The following RPAP1 variants were observed in gnomAD, a reference collection of about 807,000 sequenced individuals.
RPAP1 encodes RNA polymerase II-associated protein 1.
A neutral mutation model predicts 142.4 loss-of-function variants in RPAP1; 109 were observed. That is an observed-to-expected ratio of 0.77 (90% confidence interval 0.66 to 0.90). RPAP1 has a LOEUF of 0.90. RPAP1 is among the 40% of genes least tolerant of loss of function. The pLI, the probability that RPAP1 is intolerant of heterozygous loss-of-function variation, is 0.00. For missense variants in RPAP1, 1,546 were observed against 1,751.7 expected, an observed-to-expected ratio of 0.88 and a Z score of 2.10; for synonymous variants, 704 against 738.9, an observed-to-expected ratio of 0.95 and a Z score of 0.77.
intron 15 of RPAP1, among the ~76,000 whole-genome samples, 200 bp from the exon 16 acceptor site, chr15:41,524,454 G>C (rs2051767638): frequency 6.7e-6 from 1 of 150,194 alleles, no homozygotes; most frequent in Admixed American, 6.6e-5. Context: ...ATTTAAATGT[G>C]ATTTCACAGA....
chr15:41,544,147 G>T (rs956013154), intron 1 of RPAP1, 72 bp downstream of exon 1: 4 of 152,426 alleles, frequency 2.6e-5, no homozygotes, highest in African/African-American at 9.6e-5. Context: ...TTCCAGCAAA[G>T]AAACTGGACA....
rs1325418805 is a variant in RPAP1, at chr15:41,518,112, C to G, written c.3866G>C (p.Arg1289Pro). The change falls in exon 23 of 25, where the codon CGG (arginine) becomes CCG (proline). Residue 1289 changes from arginine to proline, a missense_variant. Arg to Pro is a moderately radical substitution (Grantham distance 103). This residue lies in a region of RPAP1 where 210 missense variants were observed against 248.0 expected (regional missense o/e 0.85). Transcript: ENST00000304330. ...DNLALLQLYF[R>P]TLVTGALRPR... ...GCGGAGCGCACCAGTAACCAGGGTC[C>G]GGAAGTAGAGCTGAAGGAGGGCCAG... 1.9e-6 allele frequency: 3 copies of G among 1,605,140 alleles called. No individual in the cohort carries two copies. The African/African-American group carries it at 4.0e-5, about 22-fold the overall frequency.
chr15:41,525,123 C>T lies in RPAP1; in HGVS notation c.1943G>A (p.Arg648His), dbSNP rs777348644. Reference protein sequence around the residue: ...RLLSSFDLRSRLCRIIAEAPQ... With the variant: ...RLLSSFDLRSHLCRIIAEAPQ... ...AGCCTCAGCTATGATGCGGCACAGG[C>T]GGCTCCGGAGATCAAAGCTGCTCAA... The change falls in exon 15 of 25, where the codon CGC (arginine) becomes CAC (histidine). Residue 648 changes from arginine (R) to histidine (H), a missense_variant. Around this residue, in one of 3 missense-constraint regions of RPAP1, gnomAD observed 1,333 missense variants for 1,486.6 expected, o/e 0.90. Transcript: ENST00000304330. 5.0e-6 allele frequency: 8 copies of T among 1,611,974 alleles called. No individual in the cohort carries two copies. The highest frequency in any genetic ancestry group is 4.5e-5 in the East Asian group (2 of 44,824).
In RPAP1 at chr15:41,517,470, C is replaced by T. The variant is rs2140751885; in HGVS notation, c.*72G>A. 5.1e-6 allele frequency: 7 copies of T among 1,365,322 alleles called. No individual in the cohort carries two copies. The East Asian group carries it at 6.9e-5, about 14-fold the overall frequency. The allele number at this position is 1,365,322 out of a possible 1,614,324, so 84.6% of individuals were successfully genotyped here. A position where few individuals can be genotyped will look rare whatever the true frequency, so the allele number is the denominator to read the frequency against. ...CCTACCATTAGGACACAATGTTCTT[C>T]GTCTGGCCAGACATCTGTTGAAAGG... On this transcript the variant is annotated 3_prime_UTR_variant, in exon 25 of 25. Transcript: ENST00000304330.
intron 6 of RPAP1, among the ~76,000 whole-genome samples, chr15:41,532,491 C>T (rs2051861694): frequency 6.6e-6 from 1 of 152,098 alleles, no homozygotes; most frequent in Admixed American, 6.6e-5. Context: ...TATAGAGGTG[C>T]TAGTATACAG....
chr15:41,530,029 C>A, intron 7 of RPAP1, 50 bp from the exon 8 acceptor site: 1 of 1,438,472 alleles, frequency 7.0e-7, no homozygotes, highest in Non-Finnish European at 9.7e-7. Context: ...AGCTCACTAT[C>A]CACAGGGGTC....
chr15:41,522,854 C>A lies in RPAP1; in HGVS notation c.2653G>T (p.Ala885Ser), dbSNP rs763408181. The change falls in exon 19 of 25, where the codon GCT becomes TCT. Residue 885 changes from alanine to serine, a missense_variant. This residue lies in a region of RPAP1 where 1,333 missense variants were observed against 1,486.6 expected (regional missense o/e 0.90). Coordinates refer to ENST00000304330, the MANE Select transcript of RPAP1 (RefSeq NM_015540.4). The part of the protein sequence containing the change: ...CSGGCPRLSL[A>S]GSASPFPFLT... Reference sequence around the variant, plus strand: ...AATGGGAAGGGTGAGGCTGAGCCAGCCAGACTGAGACGGGGGCAGCCTCCC... The same window carrying A: ...AATGGGAAGGGTGAGGCTGAGCCAGACAGACTGAGACGGGGGCAGCCTCCC... The A allele has an allele frequency of 1.3e-6, 2 of 1,582,324 alleles. No individual in the cohort carries two copies. The highest frequency in any genetic ancestry group is 2.0e-5 in the Admixed American group (1 of 50,794).
rs141408674 is a variant in RPAP1 at position 41,537,093 on chromosome 15, C to T, written c.33G>A (p.Glu11=). MLSRPKPGES[E]VDLLHFQSQF... ...GACTCTGGAAGTGCAGCAGGTCCAC[C>T]TCGGACTCCCCTGGCTTCGGTCTCG... The change falls in exon 2 of 25, where the codon GAG becomes GAA. Residue 11 remains glutamate, a synonymous_variant. Transcript: ENST00000304330. The T allele has an allele frequency of 2.8e-5, 45 of 1,614,062 alleles. No individual in the cohort carries two copies. In the African/African-American group the frequency reaches 4.4e-4, roughly 16 times the overall value.
rs2051845065 is a variant in RPAP1 at position 41,531,296 on chromosome 15, T to C, written c.764-94A>G. Reference sequence around the variant, plus strand: ...CCGCTGAATATCGCCTGTCTGTGGGTGCCAAGGACAGGACAAGCTGCTTCC... The same window carrying C: ...CCGCTGAATATCGCCTGTCTGTGGGCGCCAAGGACAGGACAAGCTGCTTCC... On this transcript the variant is annotated intron_variant, in intron 6 of 24. Coordinates refer to ENST00000304330, the MANE Select transcript of RPAP1 (RefSeq NM_015540.4). 1.0e-5 allele frequency: 13 copies of C among 1,283,156 alleles called. No homozygotes were observed. The South Asian group carries it at 1.7e-4, about 17-fold the overall frequency. 79.5% of individuals were successfully genotyped at this position (1,283,156 alleles called of 1,614,324 possible). A position where few individuals can be genotyped will look rare whatever the true frequency, so the allele number is the denominator to read the frequency against.
chr15:41,531,374 C>T (rs1313434656), intron 6 of RPAP1, among the ~76,000 whole-genome samples, 172 bp from the exon 7 acceptor site: 1 of 151,990 alleles, frequency 6.6e-6, no homozygotes, highest in African/African-American at 2.4e-5. Flanking sequence ...ATGACCCAGC[C>T]TTCTCACACC....
At chr15:41,531,307 G>A in intron 6 of RPAP1, 105 bp from the exon 7 acceptor site, 1 of 1,157,354 alleles carries the variant, frequency 8.6e-7, no homozygotes, top group South Asian at 1.6e-5. Flanking sequence ...GCCAAGGACA[G>A]GACAAGCTGC....
intron 6 of RPAP1, among the ~76,000 whole-genome samples, chr15:41,532,179 G>A (rs1456988350): frequency 2.0e-5 from 3 of 151,930 alleles, no homozygotes; most frequent in East Asian, 3.9e-4. Context: ...GTGCCACCAC[G>A]CCCAGCTAAT....
intron 5 of RPAP1, 124 bp downstream of exon 5, chr15:41,535,388 T>A: frequency 7.3e-7 from 1 of 1,375,902 alleles, no homozygotes. Context: ...CCTAGTATTC[T>A]CAGACTACTT....
chr15:41,537,294 A>G, intron 1 of RPAP1, 93 bp from the exon 2 acceptor site: 1 of 654,538 alleles, frequency 1.5e-6, no homozygotes, highest in Non-Finnish European at 2.6e-6. Flanking sequence ...TTGGGTTAAC[A>G]TGAACTCATT....
chr15:41,526,849 C>T (rs755754207), intron 14 of RPAP1, 49 bp downstream of exon 14: 1 of 1,537,070 alleles, frequency 6.5e-7, no homozygotes, highest in African/African-American at 1.4e-5. Flanking sequence ...GCTCCCAACC[C>T]AACCCTGTCC....
chr15:41,523,000 G>A (rs1290857399), intron 18 of RPAP1, 40 bp from the exon 19 acceptor site: 1 of 1,476,104 alleles, frequency 6.8e-7, no homozygotes, highest in Non-Finnish European at 9.0e-7. Context: ...ACTCTGGCCT[G>A]GCGTGTGCCA....
Position 41,520,401 on chromosome 15 carries a change from G to A in RPAP1, c.3785C>T (p.Pro1262Leu), listed in dbSNP as rs1339828213. 2.5e-6 allele frequency: 4 copies of A among 1,613,590 alleles called. No individual in the cohort carries two copies. The highest frequency in any genetic ancestry group is 3.4e-6 in the Non-Finnish European group (4 of 1,179,730). The change falls in exon 22 of 25, where the codon CCT (proline) becomes CTT (leucine). Residue 1262 changes from proline (P) to leucine (L), a missense_variant. Physicochemically the swap from Pro to Leu is moderately conservative, Grantham distance 98. Coordinates refer to ENST00000304330, the MANE Select transcript of RPAP1 (RefSeq NM_015540.4). Reference sequence around the variant, plus strand: ...GGGCTGAGAAAGTACCTGGGTCAGAGGCAGGCTCAGAGCTCGCAAGGCTCC... The same window carrying A: ...GGGCTGAGAAAGTACCTGGGTCAGAAGCAGGCTCAGAGCTCGCAAGGCTCC... The part of the protein sequence containing the change: ...HVGALRALSL[P>L]LTQLPVSLEC...
At position 41,527,904 on chromosome 15, in the gene RPAP1, C is replaced by T. The variant is rs372514392; in HGVS notation, c.1384G>A (p.Ala462Thr). ...DDRVDGVIAT[A>T]IRALRALLVA... ...AGCAGAGCCCGAAGAGCACGGATGGCGGTTGCAATGACCCCATCCACTCTG... is the reference window on the plus strand; with the variant it reads ...AGCAGAGCCCGAAGAGCACGGATGGTGGTTGCAATGACCCCATCCACTCTG... Residue 462 changes from alanine (A) to threonine (T), a missense_variant, in exon 11 of 25, where the codon GCC becomes ACC. Transcript: ENST00000304330. 30 of 1,613,926 alleles carry T rather than the reference C, an allele frequency of 1.9e-5. No individual in the cohort carries two copies. The highest frequency in any genetic ancestry group is 1.1e-4 in the African/African-American group (8 of 74,882).
intron 1 of RPAP1, among the ~76,000 whole-genome samples, chr15:41,543,080 A>G (rs2051985863): frequency 6.6e-6 from 1 of 152,172 alleles, no homozygotes; most frequent in African/African-American, 2.4e-5. Context: ...CCTACATCAC[A>G]AAGAGAGCCA....
Sources: gnomAD v4.1 joint callset for allele counts (sites outside exome capture counted in the v4.1 genomes callset) on GRCh38, gnomAD v4.1.1 for gene constraint, gnomAD v4.1.1 regional missense constraint, MANE v1.5 for transcripts, NCBI Gene and HGNC (gene_info 2026-07-23, HGNC 2026-07-21) for gene names.